The following UBE2G1 variants were observed in gnomAD, a reference collection of about 807,000 sequenced individuals.
The protein encoded by UBE2G1 is ubiquitin conjugating enzyme E2 G1, also known as ubiquitin-conjugating enzyme E2 G1.
In UBE2G1, 5 loss-of-function variants were observed where a neutral mutation model predicts 22.7. The observed-to-expected ratio is 0.22, with a 90% CI of 0.12 to 0.46. UBE2G1 has a LOEUF of 0.46. Among genes scored for constraint, UBE2G1 ranks in the 20% least tolerant of loss-of-function variants. The pLI is 0.99. For synonymous variants in UBE2G1, 74 were observed against 67.5 expected (o/e 1.10, Z -0.47); for missense variants, 88 against 203.9 (o/e 0.43, Z 3.46).
chr17:4,339,703 T>C lies in UBE2G1; in HGVS notation c.46+26568A>G, dbSNP rs184600305. ...CATGCCTCTATTAAAAATACAAAAT[T>C]AGGCAGGTGGTGGCACATGCCTGTA... On this transcript the variant is annotated intron_variant, in intron 1 of 5. Coordinates refer to ENST00000396981, the MANE Select transcript of UBE2G1 (RefSeq NM_003342.5). Among the ~76,000 whole-genome samples the C allele has an allele frequency of 5.7e-3, 865 of 152,108 alleles. 6 individuals carry two copies. Among genetic ancestry groups the C allele is most frequent in the African/African-American group, 0.02 (833 of 41,510 alleles).
At chr17:4,323,219 A>G (rs1022325483) in intron 1 of UBE2G1, among the ~76,000 whole-genome samples, 1 of 152,196 alleles carries the variant, frequency 6.6e-6, no homozygotes, top group Non-Finnish European at 1.5e-5. Flanking sequence ...TCAGGCTAAC[A>G]TTGCTTTTAT....
At chr17:4,365,321 C>G (rs953624174) in intron 1 of UBE2G1, among the ~76,000 whole-genome samples, 1 of 152,254 alleles carries the variant, frequency 6.6e-6, no homozygotes, top group South Asian at 2.1e-4. Flanking sequence ...CCGCCTCCCC[C>G]CTTCCACTCC....
rs145171138 is a variant in UBE2G1, at chr17:4,306,485, G to A, written c.149+536C>T. On this transcript the variant is annotated intron_variant, in intron 2 of 5. Coordinates refer to ENST00000396981, the MANE Select transcript of UBE2G1 (RefSeq NM_003342.5). Reference sequence around the variant, plus strand: ...ATTGCAGGCATGAGCCACCGCGCCCGGCCTGAAACTATTATTTTTAATAGC... The same window carrying A: ...ATTGCAGGCATGAGCCACCGCGCCCAGCCTGAAACTATTATTTTTAATAGC... Among the ~76,000 whole-genome samples the A allele has an allele frequency of 6.0e-3, 914 of 151,532 alleles. 4 individuals are homozygous for A. Among genetic ancestry groups the A allele is most frequent in the Non-Finnish European group, 8.1e-3 (547 of 67,832 alleles).
chr17:4,344,742 T>G (rs1567528453), intron 1 of UBE2G1, among the ~76,000 whole-genome samples: 2 of 152,018 alleles, frequency 1.3e-5, no homozygotes, highest in African/African-American at 4.8e-5. Flanking sequence ...GGTGGTATAG[T>G]CCTAGCTACA....
intron 1 of UBE2G1, among the ~76,000 whole-genome samples, chr17:4,332,342 A>C (rs1412827690): frequency 6.6e-6 from 1 of 152,196 alleles, no homozygotes; most frequent in African/African-American, 2.4e-5. Context: ...AGAAACAAAA[A>C]ATAAAATAGG....
rs565276195 is a variant in UBE2G1 at position 4,296,268 on chromosome 17, CCTT to C, written c.247+446_247+448del. On this transcript the variant is annotated intron_variant, in intron 3 of 5. Coordinates refer to ENST00000396981, the MANE Select transcript of UBE2G1 (RefSeq NM_003342.5). ...CTTTTTCCACATGATCTCTGTTTCT[CCTT>C]CTCTTTTTTGGGACACGGTCTCACT... is the stretch of plus-strand genomic sequence containing the variant. Among the ~76,000 whole-genome samples, 180 of 152,128 alleles carry C rather than the reference CCTT, an allele frequency of 1.2e-3. No individual in the cohort carries two copies. In the Middle Eastern group the frequency reaches 0.017, roughly 14 times the overall value.
chr17:4,333,236 A>G (rs1023384505), intron 1 of UBE2G1, among the ~76,000 whole-genome samples: 1 of 152,220 alleles, frequency 6.6e-6, no homozygotes, highest in African/African-American at 2.4e-5. Flanking sequence ...AGTTGCTGGC[A>G]TACTCTAAAT....
chr17:4,316,022 C>G (rs1969366867), intron 1 of UBE2G1, among the ~76,000 whole-genome samples: 1 of 151,854 alleles, frequency 6.6e-6, no homozygotes, highest in Non-Finnish European at 1.5e-5. Context: ...TCACCGTGGT[C>G]TCGATCTCCT....
rs769874508 is a variant in UBE2G1 at position 4,307,060 on chromosome 17, C to T, written c.110G>A (p.Arg37Gln). 3.1e-6 allele frequency: 5 copies of T among 1,613,862 alleles called. No homozygotes were observed. Among genetic ancestry groups the T allele is most frequent in the Admixed American group, 1.7e-5 (1 of 59,992 alleles). The change falls in exon 2 of 6, where the codon CGA (arginine) becomes CAA (glutamine). Residue 37 changes from arginine (R) to glutamine (Q), a missense_variant. Coordinates refer to ENST00000396981, the MANE Select transcript of UBE2G1 (RefSeq NM_003342.5). Reference sequence around the variant, plus strand: ...AGGGCCAATAATAAGGACTTCCCATCGGTAGAGATCATTGTCATCTATTAA... The same window carrying T: ...AGGGCCAATAATAAGGACTTCCCATTGGTAGAGATCATTGTCATCTATTAA... Reference protein sequence around the residue: ...AGLIDDNDLYRWEVLIIGPPD... With the variant: ...AGLIDDNDLYQWEVLIIGPPD...
At chr17:4,327,831 G>A (rs755196977) in intron 1 of UBE2G1, among the ~76,000 whole-genome samples, 27 of 152,174 alleles carry the variant, frequency 1.8e-4, no homozygotes, top group East Asian at 7.7e-4. Context: ...AACCTATCAC[G>A]TACTTAGGAT....
At chr17:4,304,745 C>A (rs1969228524) in intron 2 of UBE2G1, among the ~76,000 whole-genome samples, 1 of 151,998 alleles carries the variant, frequency 6.6e-6, no homozygotes, top group Admixed American at 6.6e-5. Context: ...ACCATCTGAG[C>A]CTATACTAAT....
chr17:4,354,743 C>A (rs1377454839), intron 1 of UBE2G1, among the ~76,000 whole-genome samples: 1 of 152,014 alleles, frequency 6.6e-6, no homozygotes, highest in Non-Finnish European at 1.5e-5. Flanking sequence ...CCAGCCTGGG[C>A]AACGTGGCAA....
chr17:4,344,209 T>C (rs767835331), intron 1 of UBE2G1, among the ~76,000 whole-genome samples: 2 of 151,988 alleles, frequency 1.3e-5, no homozygotes, highest in East Asian at 3.9e-4. Context: ...TAACACTGAG[T>C]GTTATACAAA....
chr17:4,346,357 AC>A (rs1452829974), intron 1 of UBE2G1, among the ~76,000 whole-genome samples: 6 of 152,024 alleles, frequency 3.9e-5, no homozygotes, highest in Non-Finnish European at 8.8e-5. Flanking sequence ...GATAGCTAAT[AC>A]ACTTGTTTTG....
chr17:4,351,174 G>C (rs533753314), intron 1 of UBE2G1, among the ~76,000 whole-genome samples: 2 of 149,630 alleles, frequency 1.3e-5, no homozygotes, highest in South Asian at 4.2e-4. Context: ...ACTGTCTCAC[G>C]GGGGCTGGGG....
chr17:4,316,937 A>AT (rs1491529484), intron 1 of UBE2G1, among the ~76,000 whole-genome samples: 48 of 44,622 alleles, frequency 1.1e-3, no homozygotes, highest in African/African-American at 2.3e-3. Flanking sequence ...TGTCTCTTGA[A>AT]TAAAAAAAAA....
chr17:4,321,246 A>T (rs1050388251), intron 1 of UBE2G1, among the ~76,000 whole-genome samples: 6 of 152,216 alleles, frequency 3.9e-5, no homozygotes, highest in Non-Finnish European at 7.3e-5. Flanking sequence ...TGTAAGTCAA[A>T]GGAACATATA....
At chr17:4,346,681 G>A (rs781724026) in intron 1 of UBE2G1, among the ~76,000 whole-genome samples, 15 of 150,572 alleles carry the variant, frequency 1.0e-4, no homozygotes, top group South Asian at 4.2e-4. Flanking sequence ...TGATCCACCC[G>A]CCTCGGCCTC....
In UBE2G1 at chr17:4,269,523, C is replaced by T. The variant is rs969699398; in HGVS notation, c.*3031G>A. ...CACAGCCCAAAGCGGGCAGATTCGT[C>T]GAGGGTGAGTGGGCATATCAAATAA... On this transcript the variant is annotated 3_prime_UTR_variant, in exon 6 of 6. Transcript: ENST00000396981. 9.7e-5 allele frequency: 18 copies of T among 186,074 alleles called. No individual in the cohort carries two copies. Among genetic ancestry groups the T allele is most frequent in the African/African-American group, 4.1e-4 (17 of 41,522 alleles). 11.5% of individuals were successfully genotyped at this position (186,074 alleles called of 1,614,324 possible).
Sources: allele counts gnomAD v4.1 joint callset (sites outside exome capture counted in the v4.1 genomes callset), GRCh38; gene constraint gnomAD v4.1.1; transcripts MANE v1.5; gene names NCBI Gene and HGNC (gene_info 2026-07-23, HGNC 2026-07-21).